The following CATSPERB variants were observed in gnomAD, a reference collection of about 807,000 sequenced individuals.
CATSPERB encodes the protein cation channel sperm-associated auxiliary subunit beta.
Under a neutral mutation model 128.3 loss-of-function variants are expected in CATSPERB, and 93 were observed. The observed-to-expected ratio is 0.72, with a 90% CI of 0.61 to 0.86. The LOEUF (loss-of-function observed/expected upper bound fraction) is 0.86. Ranked by LOEUF, CATSPERB falls within the 40% of genes least tolerant of loss-of-function variation. The pLI is 0.00. For synonymous variants in CATSPERB, 381 were observed against 448.8 expected (o/e 0.85, Z 1.91); for missense variants, 1,153 against 1,329.5 (o/e 0.87, Z 2.06).
intron 13 of CATSPERB, among the ~76,000 whole-genome samples, chr14:91,672,328 T>A (rs1290814572): frequency 6.6e-6 from 1 of 152,220 alleles, no homozygotes; most frequent in Non-Finnish European, 1.5e-5. Context: ...CTCTGTCACC[T>A]CACCTGGTGT....
chr14:91,613,805 T>C (rs1473446513), intron 20 of CATSPERB, among the ~76,000 whole-genome samples: 1 of 152,112 alleles, frequency 6.6e-6, no homozygotes, highest in African/African-American at 2.4e-5. Flanking sequence ...AGCCTTTTGC[T>C]CATTATAATA....
intron 25 of CATSPERB, among the ~76,000 whole-genome samples, 200 bp from the exon 26 acceptor site, chr14:91,587,476 A>C (rs971394681): frequency 2.7e-5 from 2 of 74,800 alleles, no homozygotes; most frequent in Non-Finnish European, 5.0e-5. Context: ...AATAGCTGAT[A>C]CTTTTTTTTT....
chr14:91,677,456 A>G (rs926737008), intron 11 of CATSPERB, among the ~76,000 whole-genome samples: 3 of 152,260 alleles, frequency 2.0e-5, no homozygotes, highest in African/African-American at 7.2e-5. Context: ...ATATGAAAAA[A>G]GAGTGCAACA....
At chr14:91,709,524 CAA>C (rs71120188) in intron 5 of CATSPERB, 9 of 74,640 alleles carry the variant, frequency 1.2e-4, no homozygotes, top group Middle Eastern at 7.8e-3. Flanking sequence ...ACTAAAAATA[CAA>C]AAAAAAAAAA....
chr14:91,718,944 C>T (rs181838626), intron 5 of CATSPERB, among the ~76,000 whole-genome samples: 52 of 150,704 alleles, frequency 3.5e-4, no homozygotes, highest in Admixed American at 2.4e-3. Flanking sequence ...TAGATCAATA[C>T]TCACAGTTCC....
At chr14:91,674,126 C>T in intron 12 of CATSPERB, 50 bp downstream of exon 12, 1 of 1,073,112 alleles carries the variant, frequency 9.3e-7, no homozygotes, top group East Asian at 2.4e-5. Context: ...CCATGAAGTC[C>T]CCAATCCCAC....
chr14:91,639,545 T>C (rs1894452060), intron 15 of CATSPERB, among the ~76,000 whole-genome samples: 1 of 152,176 alleles, frequency 6.6e-6, no homozygotes, highest in Admixed American at 6.5e-5. Context: ...TGGTTTCTCT[T>C]CCTATTACCA....
At chr14:91,586,300 G>A (rs1020725802) in intron 26 of CATSPERB, among the ~76,000 whole-genome samples, 1 of 152,120 alleles carries the variant, frequency 6.6e-6, no homozygotes, top group African/African-American at 2.4e-5. Flanking sequence ...AGCCCTCTGT[G>A]CTATTGTGCT....
chr14:91,698,486 T>C (rs1398647509), intron 7 of CATSPERB, among the ~76,000 whole-genome samples: 1 of 152,170 alleles, frequency 6.6e-6, no homozygotes, highest in African/African-American at 2.4e-5. Context: ...CCAAGGGAAA[T>C]GCTTCCAGCT....
intron 12 of CATSPERB, among the ~76,000 whole-genome samples, chr14:91,673,633 C>T (rs190409713): frequency 2.2e-4 from 33 of 152,196 alleles, no homozygotes; most frequent in African/African-American, 7.9e-4. Context: ...GCCTGTAACC[C>T]CAGCACTTTG....
At chr14:91,681,947 A>G (rs1003378468) in intron 11 of CATSPERB, among the ~76,000 whole-genome samples, 17 of 152,248 alleles carry the variant, frequency 1.1e-4, no homozygotes, top group African/African-American at 4.1e-4. Context: ...AAACACACAG[A>G]TAAGTACTAT....
chr14:91,689,895 A>G (rs1895437753), intron 10 of CATSPERB, among the ~76,000 whole-genome samples: 1 of 152,174 alleles, frequency 6.6e-6, no homozygotes, highest in South Asian at 2.1e-4. Flanking sequence ...TTTATTATCC[A>G]CTGAAAACTA....
In CATSPERB at chr14:91,708,200, G is replaced by T. The variant is rs778496395; in HGVS notation, c.407C>A (p.Thr136Asn). Residue 136 changes from threonine (T) to asparagine (N), a missense_variant, in exon 6 of 27, where the codon ACT becomes AAT. Coordinates refer to ENST00000256343, the MANE Select transcript of CATSPERB (RefSeq NM_024764.4). ...AAVEEWLVRI[T>N]LHHGLNIYAT... ...ATAAATATTTAGTCCATGATGTAAA[G>T]TGATTCTTACTAACCATTCTTCTAC... is the stretch of plus-strand genomic sequence containing the variant. 186 of 1,610,804 alleles carry T rather than the reference G, an allele frequency of 1.2e-4. No individual in the cohort carries two copies. The highest frequency in any genetic ancestry group is 2.2e-4 in the Admixed American group (13 of 59,696).
intron 17 of CATSPERB, among the ~76,000 whole-genome samples, chr14:91,629,591 G>A (rs1595154577): frequency 6.6e-6 from 1 of 152,192 alleles, no homozygotes. Context: ...GTGGGATGTG[G>A]ATAGTGGGGA....
chr14:91,710,438 T>C (rs1006988673), intron 5 of CATSPERB: 3 of 152,196 alleles, frequency 2.0e-5, no homozygotes, highest in African/African-American at 7.2e-5. Context: ...GATCTAATAC[T>C]ATGTGATGGA....
At chr14:91,604,955 A>G (rs1893673668) in intron 22 of CATSPERB, 2 of 1,173,152 alleles carry the variant, frequency 1.7e-6, no homozygotes, top group Admixed American at 1.7e-5. Context: ...CATCTGCTGG[A>G]GGCTGAAGTA....
chr14:91,711,351 C>A (rs1394016522), intron 5 of CATSPERB, among the ~76,000 whole-genome samples: 1 of 152,210 alleles, frequency 6.6e-6, no homozygotes, highest in Non-Finnish European at 1.5e-5. Context: ...CTGCCTCAGC[C>A]TCCCAAGTAG....
At chr14:91,721,774 C>T (rs961188514) in intron 4 of CATSPERB, among the ~76,000 whole-genome samples, 2 of 151,024 alleles carry the variant, frequency 1.3e-5, no homozygotes, top group South Asian at 2.1e-4. Flanking sequence ...GGCGTGAACC[C>T]GGGAGGCAGA....
At chr14:91,586,571 A>AGAGAAAGAGAGAGAGAG (rs374162982) in intron 26 of CATSPERB, among the ~76,000 whole-genome samples, 86 of 114,232 alleles carry the variant, frequency 7.5e-4, no homozygotes, top group East Asian at 2.2e-3. Context: ...GAGAGAGAGA[A>AGAGAAAGAGAGAGAGAG]AGAGAGAGAG....
Sources: allele counts gnomAD v4.1 joint callset (sites outside exome capture counted in the v4.1 genomes callset), GRCh38; gene constraint gnomAD v4.1.1; transcripts MANE v1.5; gene names NCBI Gene and HGNC (gene_info 2026-07-23, HGNC 2026-07-21).